NAV2: variants seen among roughly 807,000 people sequenced by gnomAD.
NAV2 encodes neuron navigator 2.
Under a neutral mutation model 223.2 loss-of-function variants are expected in NAV2, and 54 were observed. That is an observed-to-expected ratio of 0.24 (90% CI 0.19 to 0.30). The LOEUF (loss-of-function observed/expected upper bound fraction) is 0.30. NAV2 is among the 10% of genes least tolerant of loss of function. The pLI, the probability that NAV2 is intolerant of heterozygous loss-of-function variation, is 1.00. For missense variants in NAV2, 2,806 were observed against 3,147.5 expected, an observed-to-expected ratio of 0.89 and a Z score of 2.60; for synonymous variants, 1,279 against 1,239.3, an observed-to-expected ratio of 1.03 and a Z score of -0.67.
At chr11:19,682,368 A>T (rs1448784056) in intron 1 of NAV2, among the ~76,000 whole-genome samples, 1 of 152,232 alleles carries the variant, frequency 6.6e-6, no homozygotes, top group Non-Finnish European at 1.5e-5. Context: ...ACTGAGCCTT[A>T]GAGAAGTTCG....
chr11:19,394,421 G>A (rs1777834729), intron 1 of NAV2, among the ~76,000 whole-genome samples: 1 of 152,116 alleles, frequency 6.6e-6, no homozygotes, highest in Non-Finnish European at 1.5e-5. Flanking sequence ...ATATTTTCTG[G>A]ACACTTACTA....
chr11:19,931,894 T>TGTGG, intron 6 of NAV2: 1 of 152,198 alleles, frequency 6.6e-6, no homozygotes. Flanking sequence ...TGTGGGTGGG[T>TGTGG]GCGGGCACGG....
chr11:19,556,805 T>C (rs2044909074), intron 1 of NAV2, among the ~76,000 whole-genome samples: 1 of 152,238 alleles, frequency 6.6e-6, no homozygotes, highest in African/African-American at 2.4e-5. Flanking sequence ...GTTGTCTATA[T>C]AGCTAAAACT....
chr11:19,927,001 A>G (rs1444063755), intron 6 of NAV2, among the ~76,000 whole-genome samples: 1 of 152,222 alleles, frequency 6.6e-6, no homozygotes, highest in African/African-American at 2.4e-5. Flanking sequence ...TCTGCTTTAA[A>G]CAGTATTTTC....
At chr11:19,409,502 G>C (rs1850048714) in intron 1 of NAV2, among the ~76,000 whole-genome samples, 1 of 152,120 alleles carries the variant, frequency 6.6e-6, no homozygotes, top group South Asian at 2.1e-4. Flanking sequence ...GCTGCTTGGA[G>C]GGGCCTTGGC....
At chr11:19,490,930 T>C (rs1223397833) in intron 1 of NAV2, among the ~76,000 whole-genome samples, 2 of 152,186 alleles carry the variant, frequency 1.3e-5, no homozygotes, top group African/African-American at 4.8e-5. Flanking sequence ...GATGCTATGT[T>C]AACAGGCAGA....
intron 3 of NAV2, among the ~76,000 whole-genome samples, chr11:19,865,548 G>A (rs553415213): frequency 9.2e-5 from 14 of 152,260 alleles, no homozygotes; most frequent in Middle Eastern, 3.4e-3. Flanking sequence ...GGTCTCGGCC[G>A]CCTTGTCAGG....
At chr11:19,414,877 A>T (rs1444628705) in intron 1 of NAV2, among the ~76,000 whole-genome samples, 1 of 152,212 alleles carries the variant, frequency 6.6e-6, no homozygotes, top group Admixed American at 6.5e-5. Context: ...GGCAGAAATA[A>T]ATAAGTTATT....
intron 11 of NAV2, among the ~76,000 whole-genome samples, chr11:19,996,794 C>G (rs2051935764): frequency 6.6e-6 from 1 of 152,180 alleles, no homozygotes; most frequent in Non-Finnish European, 1.5e-5. Context: ...CCTCATTAAT[C>G]TGTGGCGCTC....
At chr11:19,383,488 G>T (rs144046706) in intron 1 of NAV2, among the ~76,000 whole-genome samples, 7 of 152,274 alleles carry the variant, frequency 4.6e-5, no homozygotes, top group Admixed American at 3.9e-4. Context: ...TCCCACCCCT[G>T]CTCCCAACAA....
chr11:19,649,209 A>G (rs1458392624), intron 1 of NAV2, among the ~76,000 whole-genome samples: 4 of 152,208 alleles, frequency 2.6e-5, no homozygotes, highest in Admixed American at 2.6e-4. Flanking sequence ...TAAGACTGCT[A>G]TGTCAAGGGA....
chr11:19,722,689 G>T (rs2050850373), intron 1 of NAV2, among the ~76,000 whole-genome samples: 1 of 152,214 alleles, frequency 6.6e-6, no homozygotes, highest in Admixed American at 6.5e-5. Context: ...GGTAAGGGGA[G>T]ATAAAAGAAA....
chr11:20,111,187 G>A (rs572750442), intron 36 of NAV2, among the ~76,000 whole-genome samples: 1 of 152,192 alleles, frequency 6.6e-6, no homozygotes, highest in Non-Finnish European at 1.5e-5. Context: ...ACCCTCCCAG[G>A]AGCCCCCTGC....
chr11:19,688,811 G>T (rs778592760), intron 1 of NAV2, among the ~76,000 whole-genome samples: 1 of 152,186 alleles, frequency 6.6e-6, no homozygotes, highest in Non-Finnish European at 1.5e-5. Flanking sequence ...GGGACTATGA[G>T]TATAGGCATG....
At chr11:19,433,740 A>G (rs1490475754) in intron 1 of NAV2, among the ~76,000 whole-genome samples, 4 of 152,246 alleles carry the variant, frequency 2.6e-5, no homozygotes, top group South Asian at 4.1e-4. Context: ...AACTTCTTGC[A>G]GTTGTGACCA....
rs756238748 is a variant in NAV2 at position 20,045,118 on chromosome 11, C to A, written c.3350C>A (p.Ala1117Asp). The change falls in exon 14 of 38, where the codon GCC becomes GAC. Residue 1117 changes from alanine (A) to aspartate (D), a missense_variant. Coordinates refer to ENST00000349880, the MANE Select transcript of NAV2 (RefSeq NM_145117.5). ...AGCTCTAGGACACCTACTGCCAATG[C>A]CAACAGCTTTGGGTTCAAGAAGCAG... ...PSSSRTPTANANSFGFKKQSG... is the reference protein window; with the variant it reads ...PSSSRTPTANDNSFGFKKQSG... The A allele has an allele frequency of 1.4e-5, 22 of 1,614,174 alleles. No homozygotes were observed. The South Asian group carries it at 2.4e-4, about 18-fold the overall frequency.
chr11:19,686,290 T>C (rs957871910), intron 1 of NAV2, among the ~76,000 whole-genome samples: 1 of 152,170 alleles, frequency 6.6e-6, no homozygotes, highest in Non-Finnish European at 1.5e-5. Flanking sequence ...TCTCTCAGAA[T>C]CAACCTTCTC....
At chr11:19,902,901 T>C (rs1288733407) in intron 6 of NAV2, among the ~76,000 whole-genome samples, 1 of 152,092 alleles carries the variant, frequency 6.6e-6, no homozygotes, top group Admixed American at 6.5e-5. Flanking sequence ...TGTGAGCATA[T>C]GTAGCCCATG....
chr11:19,794,229 C>G (rs895917816), intron 1 of NAV2, among the ~76,000 whole-genome samples: 1 of 152,188 alleles, frequency 6.6e-6, no homozygotes, highest in Non-Finnish European at 1.5e-5. Flanking sequence ...CGCCTGTGCT[C>G]GGCGTTGTAA....
Sources: allele counts gnomAD v4.1 joint callset (sites outside exome capture counted in the v4.1 genomes callset), GRCh38; gene constraint gnomAD v4.1.1; transcripts MANE v1.5; gene names NCBI Gene and HGNC (gene_info 2026-07-23, HGNC 2026-07-21).